Variants in FOXP2 observed in about 807,000 individuals in gnomAD.
FOXP2 encodes forkhead box P2.
Under a neutral mutation model 115.8 loss-of-function variants are expected in FOXP2, and 12 were observed. The observed-to-expected ratio is 0.10, with a 90% CI of 0.07 to 0.17. The LOEUF is 0.17. Among genes scored for constraint, FOXP2 ranks in the 10% least tolerant of loss-of-function variants. The probability of loss-of-function intolerance (pLI) is 1.00; values close to 1 mark genes in which losing one functional copy is unlikely to be tolerated. For synonymous variants in FOXP2, 328 were observed against 297.7 expected, an observed-to-expected ratio of 1.10 and a Z score of -1.05; for missense variants, 629 against 843.5, an observed-to-expected ratio of 0.75 and a Z score of 3.15.
At chr7:114,541,091 C>A (rs1396898477) in intron 3 of FOXP2, among the ~76,000 whole-genome samples, 2 of 151,952 alleles carry the variant, frequency 1.3e-5, no homozygotes, top group Non-Finnish European at 2.9e-5. Flanking sequence ...CCTTTAAAAA[C>A]TATTTAGGTA....
intron 2 of FOXP2, among the ~76,000 whole-genome samples, chr7:114,498,708 T>C (rs535063006): frequency 6.6e-6 from 1 of 152,206 alleles, no homozygotes; most frequent in South Asian, 2.1e-4. Context: ...TTTTAGTTAA[T>C]AATCCACATT....
intron 1 of FOXP2, among the ~76,000 whole-genome samples, chr7:114,210,734 C>T (rs973312848): frequency 6.6e-6 from 1 of 152,098 alleles, no homozygotes; most frequent in African/African-American, 2.4e-5. Context: ...TTCTCCAAAG[C>T]CAGCAGGCTA....
At chr7:114,116,274 T>C (rs1791406017) in intron 1 of FOXP2, among the ~76,000 whole-genome samples, 1 of 152,134 alleles carries the variant, frequency 6.6e-6, no homozygotes, top group Admixed American at 6.6e-5. Context: ...GGCTAGGGAA[T>C]CTGGGAACCA....
chr7:114,328,967 C>T (rs985377267), intron 2 of FOXP2, among the ~76,000 whole-genome samples: 1 of 152,038 alleles, frequency 6.6e-6, no homozygotes, highest in Admixed American at 6.5e-5. Context: ...AAGGAAGAGA[C>T]GAAGTTATCT....
intron 1 of FOXP2, among the ~76,000 whole-genome samples, chr7:114,253,806 T>C (rs981059041): frequency 3.9e-5 from 6 of 152,202 alleles, no homozygotes; most frequent in Admixed American, 2.6e-4. Flanking sequence ...AAGATTAATA[T>C]TGTTATGTGT....
intron 2 of FOXP2, among the ~76,000 whole-genome samples, chr7:114,381,278 G>C (rs1792285643): frequency 6.6e-6 from 1 of 152,180 alleles, no homozygotes; most frequent in Non-Finnish European, 1.5e-5. Context: ...GGTATGAGCA[G>C]AGCTGAGCCT....
At chr7:114,288,387 A>G (rs1379550639) in intron 2 of FOXP2, among the ~76,000 whole-genome samples, 1 of 151,832 alleles carries the variant, frequency 6.6e-6, no homozygotes, top group Non-Finnish European at 1.5e-5. Context: ...ATTTGGTTTG[A>G]AATATTAAAA....
intron 1 of FOXP2, among the ~76,000 whole-genome samples, chr7:114,275,688 G>A (rs2129173937): frequency 6.6e-6 from 1 of 152,262 alleles, no homozygotes; most frequent in East Asian, 1.9e-4. Flanking sequence ...TACCTGCCAT[G>A]TCTGATTCAG....
intron 1 of FOXP2, among the ~76,000 whole-genome samples, chr7:114,281,095 A>ATTTTTTTTTT (rs71157578): frequency 2.2e-5 from 2 of 92,858 alleles, no homozygotes; most frequent in African/African-American, 3.9e-5. Context: ...TGCAATTTGA[A>ATTTTTTTTTT]TTTTTTTTTT....
At chr7:114,519,665 C>T (rs1045886690) in intron 2 of FOXP2, among the ~76,000 whole-genome samples, 1 of 152,078 alleles carries the variant, frequency 6.6e-6, no homozygotes, top group Non-Finnish European at 1.5e-5. Flanking sequence ...CCATGAGAAA[C>T]TATGCAGTTC....
At chr7:114,578,833 A>C (rs534838796) in intron 3 of FOXP2, among the ~76,000 whole-genome samples, 2 of 152,216 alleles carry the variant, frequency 1.3e-5, no homozygotes, top group African/African-American at 2.4e-5. Context: ...TTCCTCAGTG[A>C]TTTCCTCAGA....
intron 2 of FOXP2, among the ~76,000 whole-genome samples, chr7:114,446,713 G>A (rs917924151): frequency 6.7e-6 from 1 of 150,352 alleles, no homozygotes; most frequent in African/African-American, 2.4e-5. Flanking sequence ...CATATCCCCC[G>A]CAATGTTTTT....
chr7:114,448,789 T>A (rs994439085), intron 2 of FOXP2, among the ~76,000 whole-genome samples: 3 of 152,134 alleles, frequency 2.0e-5, no homozygotes, highest in African/African-American at 7.2e-5. Context: ...ATTTTATTTT[T>A]TGAGGTGAAT....
chr7:114,209,944 T>A (rs1283637568), intron 1 of FOXP2, among the ~76,000 whole-genome samples: 1 of 152,226 alleles, frequency 6.6e-6, no homozygotes, highest in Non-Finnish European at 1.5e-5. Flanking sequence ...GTGATTGCAT[T>A]ATGAAGTTCT....
intron 16 of FOXP2, among the ~76,000 whole-genome samples, chr7:114,676,423 A>G (rs1477813444): frequency 2.0e-5 from 3 of 152,204 alleles, no homozygotes; most frequent in Non-Finnish European, 4.4e-5. Flanking sequence ...AAAGTACTGT[A>G]TGTGTAAGTT....
intron 2 of FOXP2, among the ~76,000 whole-genome samples, chr7:114,477,155 G>A (rs980150854): frequency 1.3e-5 from 2 of 151,832 alleles, no homozygotes; most frequent in Non-Finnish European, 2.9e-5. Context: ...TTAATTACTG[G>A]ATGTATACCC....
At chr7:114,202,370 T>A (rs1287235997) in intron 1 of FOXP2, among the ~76,000 whole-genome samples, 3 of 152,166 alleles carry the variant, frequency 2.0e-5, no homozygotes, top group Non-Finnish European at 4.4e-5. Context: ...AGGCATGGAT[T>A]TAAAAAATGC....
Position 114,693,661 on chromosome 7 carries a change from A to C in FOXP2, c.*3735A>C, listed in dbSNP as rs1442205811. 2.4e-6 allele frequency: 1 copy of C among 414,520 alleles called. No homozygotes were observed. 25.7% of individuals were successfully genotyped at this position (414,520 alleles called of 1,614,324 possible). A position where few individuals can be genotyped will look rare whatever the true frequency, so the allele number is the denominator to read the frequency against. On this transcript the variant is annotated 3_prime_UTR_variant, in exon 17 of 17. Transcript: ENST00000350908. ...ATTTTACTATAGAATTAATGTATGAACAGTGTGTCACTGCTGTTGGATGTA... is the reference window on the plus strand; with the variant it reads ...ATTTTACTATAGAATTAATGTATGACCAGTGTGTCACTGCTGTTGGATGTA...
At chr7:114,302,382 G>T (rs933115100) in intron 2 of FOXP2, among the ~76,000 whole-genome samples, 3 of 152,056 alleles carry the variant, frequency 2.0e-5, no homozygotes, top group African/African-American at 7.2e-5. Context: ...AACCTATATG[G>T]AAGTTCCTAG....
Sources: gnomAD v4.1 joint callset for allele counts (sites outside exome capture counted in the v4.1 genomes callset) on GRCh38, gnomAD v4.1.1 for gene constraint, MANE v1.5 for transcripts, NCBI Gene and HGNC (gene_info 2026-07-23, HGNC 2026-07-21) for gene names.